Variants in ELF5 observed in about 807,000 individuals in gnomAD.
ELF5 encodes the protein ETS-related transcription factor Elf-5.
In ELF5, 31 loss-of-function variants were observed where a neutral mutation model predicts 38.2. The observed-to-expected ratio is 0.81, with a 90% CI of 0.61 to 1.10. ELF5 has a LOEUF of 1.10. Among genes scored for constraint, ELF5 ranks in the 50% least tolerant of loss-of-function variants. The probability of loss-of-function intolerance (pLI) is 0.00; values close to 1 mark genes in which losing one functional copy is unlikely to be tolerated. For missense variants in ELF5, 300 were observed against 306.6 expected (o/e 0.98, Z 0.16); for synonymous variants, 121 against 112.5 (o/e 1.08, Z -0.48).
rs185988333 is a variant in ELF5 at position 34,500,960 on chromosome 11, T to C, written c.121+4669A>G. Among the ~76,000 whole-genome samples the C allele has an allele frequency of 1.9e-3, 288 of 148,924 alleles. 2 individuals are homozygous for C. The highest frequency in any genetic ancestry group is 6.6e-3 in the African/African-American group (270 of 40,952). On this transcript the variant is annotated intron_variant, in intron 2 of 6. Coordinates refer to ENST00000257832, the MANE Select transcript of ELF5 (RefSeq NM_001422.4). ...TAACATATTTATTGAGCACTTAGTA[T>C]GTGCCCGTTATCATGCTAAATTATT...
chr11:34,510,811 T>C (rs1210862863), intron 1 of ELF5, among the ~76,000 whole-genome samples: 1 of 152,022 alleles, frequency 6.6e-6, no homozygotes, highest in Non-Finnish European at 1.5e-5. Flanking sequence ...CTAAAAAGTG[T>C]CCTTAGGAGA....
rs755529277 is a variant in ELF5, at chr11:34,511,441, C to A, written c.-5+2236G>T. 2.7e-6 allele frequency: 4 copies of A among 1,496,762 alleles called. No individual in the cohort carries two copies. In the South Asian group the frequency reaches 3.5e-5, roughly 13 times the overall value. The allele number at this position is 1,496,762 out of a possible 1,614,324, so 92.7% of individuals were successfully genotyped here. ...ATCAGTTTCCCCCAAATGTAGTCAT[C>A]ATTCTAGCTGCCTAGTAAGTAGGAA... is the stretch of plus-strand genomic sequence containing the variant. On this transcript the variant is annotated intron_variant, in intron 1 of 6. Coordinates refer to ENST00000257832, the MANE Select transcript of ELF5 (RefSeq NM_001422.4).
intron 2 of ELF5, among the ~76,000 whole-genome samples, chr11:34,501,336 A>G (rs1485959658): frequency 6.6e-6 from 1 of 152,046 alleles, no homozygotes; most frequent in Non-Finnish European, 1.5e-5. Flanking sequence ...CAGTTTAGAA[A>G]CCTCTGCAGC....
chr11:34,485,527 GA>G (rs1348565129), intron 4 of ELF5, among the ~76,000 whole-genome samples: 1 of 152,220 alleles, frequency 6.6e-6, no homozygotes, highest in East Asian at 1.9e-4. Context: ...GAAGTGGGAG[GA>G]AAAACATTGT....
At chr11:34,505,905 G>A (rs1049423181) in intron 1 of ELF5, 152 bp from the exon 2 acceptor site, 2 of 927,476 alleles carry the variant, frequency 2.2e-6, no homozygotes, top group African/African-American at 1.7e-5. Flanking sequence ...TGTCACCTAC[G>A]AGTGACATTA....
intron 2 of ELF5, among the ~76,000 whole-genome samples, chr11:34,498,026 C>T (rs1376425032): frequency 1.3e-5 from 2 of 152,176 alleles, no homozygotes; most frequent in African/African-American, 4.8e-5. Context: ...GTATTAGCTC[C>T]AGGAAGCTCC....
intron 4 of ELF5, among the ~76,000 whole-genome samples, chr11:34,486,536 A>C (rs138278398): frequency 3.7e-4 from 57 of 152,312 alleles, no homozygotes; most frequent in African/African-American, 1.3e-3. Context: ...GAGTGAATAG[A>C]AGGGCATGGG....
intron 2 of ELF5, 144 bp from the exon 3 acceptor site, chr11:34,493,856 C>G (rs2133886029): frequency 3.0e-6 from 2 of 664,902 alleles, no homozygotes; most frequent in East Asian, 5.5e-5. Context: ...TTCTGCAGAG[C>G]CCAGGTCACC....
At chr11:34,484,590 G>A (rs1456596808) in intron 4 of ELF5, among the ~76,000 whole-genome samples, 2 of 151,982 alleles carry the variant, frequency 1.3e-5, no homozygotes, top group Admixed American at 6.6e-5. Flanking sequence ...CTGAATGAAG[G>A]AAGGGCAGGA....
At chr11:34,495,932 A>T (rs1590333257) in intron 2 of ELF5, among the ~76,000 whole-genome samples, 8 of 152,266 alleles carry the variant, frequency 5.3e-5, no homozygotes, top group Middle Eastern at 6.8e-3. Flanking sequence ...GTCCTGTGAG[A>T]GATGTTTATG....
In ELF5 at chr11:34,480,309, T is replaced by TA. The variant is rs1190235670; in HGVS notation, c.676dup (p.Tyr226LeufsTer3). On this transcript the variant is annotated frameshift_variant, in exon 7 of 7. Transcript: ENST00000257832. LOFTEE classifies it high-confidence loss of function. ...CCGCTCCAAAATTCCTGTTTTATAG[T>TA]AGTATCTGAAAAAGCAAGCAGAAGA... 1.9e-6 allele frequency: 3 copies of TA among 1,613,654 alleles called. No individual in the cohort carries two copies. Among genetic ancestry groups the TA allele is most frequent in the Non-Finnish European group, 2.5e-6 (3 of 1,179,818 alleles).
chr11:34,493,368 C>A, intron 3 of ELF5, 111 bp downstream of exon 3: 1 of 1,015,960 alleles, frequency 9.8e-7, no homozygotes, highest in East Asian at 2.6e-5. Flanking sequence ...AACGAGAACT[C>A]CAGTTAGTAA....
chr11:34,492,479 T>C (rs759412382), intron 3 of ELF5: 1 of 152,246 alleles, frequency 6.6e-6, no homozygotes, highest in Admixed American at 6.5e-5. Flanking sequence ...TCTTCTGAAT[T>C]ACCTTTTCAA....
intron 4 of ELF5, among the ~76,000 whole-genome samples, chr11:34,485,842 G>T (rs976614372): frequency 2.6e-4 from 40 of 152,088 alleles, no homozygotes; most frequent in Admixed American, 2.5e-3. Flanking sequence ...GCGCTGGGTG[G>T]TGGATCTGTA....
Position 34,505,630 on chromosome 11 carries a change from T to A in ELF5, c.120A>T (p.Thr40=). The part of the protein sequence containing the change: ...EEYYPAFEHQ[T]ACDSYWTSVH... ...ATGGGCTCCTTCAAATGTACGCACC[T>A]GTCTGATGCTCAAAGGCAGGGTAGT... The change falls in exon 2 of 7, where the codon ACA becomes ACT. Residue 40 remains threonine, a splice_region_variant and synonymous_variant. Coordinates refer to ENST00000257832, the MANE Select transcript of ELF5 (RefSeq NM_001422.4). 6.2e-7 allele frequency: 1 copy of A among 1,613,830 alleles called. No homozygotes were observed. Among genetic ancestry groups the A allele is most frequent in the South Asian group, 1.1e-5 (1 of 91,022 alleles).
At chr11:34,511,896 C>T (rs1036213453) in intron 1 of ELF5, 2 of 348,616 alleles carry the variant, frequency 5.7e-6, no homozygotes, top group Non-Finnish European at 1.1e-5. Flanking sequence ...CCCAATTAAG[C>T]ATCTACACAT....
At chr11:34,511,506 G>A (rs763060741) in intron 1 of ELF5, 1 of 1,614,048 alleles carries the variant, frequency 6.2e-7, no homozygotes, top group Non-Finnish European at 8.5e-7. Context: ...GGAATCAGGT[G>A]GGCTCACTTC....
chr11:34,479,707 A>T lies in ELF5; in HGVS notation c.*511T>A, dbSNP rs1258093398. ...CCGTCTCAAAAAAAAAAAAAGGGAT[A>T]CTTTTCTATGGATTTTTGACTTTAA... On this transcript the variant is annotated 3_prime_UTR_variant, in exon 7 of 7. Transcript: ENST00000257832. 6.6e-6 allele frequency: 1 copy of T among 152,300 alleles called. No individual in the cohort carries two copies. Among genetic ancestry groups the T allele is most frequent in the East Asian group, 1.9e-4 (1 of 5,172 alleles). 9.4% of individuals were successfully genotyped at this position (152,300 alleles called of 1,614,324 possible).
At chr11:34,508,785 G>A (rs968328522) in intron 1 of ELF5, among the ~76,000 whole-genome samples, 5 of 152,196 alleles carry the variant, frequency 3.3e-5, no homozygotes, top group African/African-American at 1.2e-4. Flanking sequence ...TTGAGACTCA[G>A]GGAATTTGTG....
Sources: allele counts gnomAD v4.1 joint callset (sites outside exome capture counted in the v4.1 genomes callset), GRCh38; gene constraint gnomAD v4.1.1; transcripts MANE v1.5; gene names NCBI Gene and HGNC (gene_info 2026-07-23, HGNC 2026-07-21).